Variants in SPEN observed in about 807,000 individuals in gnomAD.
The protein encoded by SPEN is msx2-interacting protein.
A neutral mutation model predicts 269.9 loss-of-function variants in SPEN; 18 were observed. The ratio of observed to expected loss-of-function variants is 0.07; its 90% CI spans 0.05 to 0.10. The LOEUF is 0.10. Among genes scored for constraint, SPEN ranks in the 10% least tolerant of loss-of-function variants. The pLI is 1.00. For synonymous variants in SPEN, 1,726 were observed against 1,765.7 expected (o/e 0.98, Z 0.56); for missense variants, 3,822 against 4,631.2 (o/e 0.83, Z 5.07).
At chr1:15,887,504 A>G (rs1283755435) in intron 3 of SPEN, among the ~76,000 whole-genome samples, 4 of 149,176 alleles carry the variant, frequency 2.7e-5, no homozygotes, top group African/African-American at 4.9e-5. Context: ...GATGGTCTCG[A>G]TCTTCTGGTC....
chr1:15,911,411 T>A, intron 5 of SPEN, 110 bp downstream of exon 5: 1 of 783,588 alleles, frequency 1.3e-6, no homozygotes, highest in Non-Finnish European at 2.1e-6. Context: ...TCTGGCTTTA[T>A]TTATTGACAT....
rs980901564 is a variant in SPEN, at chr1:15,940,195, G to A, written c.*768G>A. 4.3e-6 allele frequency: 1 copy of A among 230,720 alleles called. No homozygotes were observed. The highest frequency in any genetic ancestry group is 2.2e-5 in the African/African-American group (1 of 44,974). 14.3% of individuals were successfully genotyped at this position (230,720 alleles called of 1,614,324 possible). A position where few individuals can be genotyped will look rare whatever the true frequency, so the allele number is the denominator to read the frequency against. On this transcript the variant is annotated 3_prime_UTR_variant, in exon 15 of 15. Transcript: ENST00000375759. ...TCTGTGCCAAAAATGTGTTTTCAGA[G>A]GAAATCTTATTTTCATATTCAGACT...
Position 15,930,602 on chromosome 1 carries a change from C to G in SPEN, c.4362C>G (p.Leu1454=). The change falls in exon 11 of 15, where the codon CTC becomes CTG. Residue 1454 remains leucine, a synonymous_variant. Transcript: ENST00000375759. The surrounding 1 kb of genome is among the most constrained non-coding windows in gnomAD (Gnocchi z 5.3). ...CTTTGCTTGAAAGAGCTAAATCCCTCTCTTCATCTCGTGAAGAAAATTGGT... is the reference window on the plus strand; with the variant it reads ...CTTTGCTTGAAAGAGCTAAATCCCTGTCTTCATCTCGTGAAGAAAATTGGT... The part of the protein sequence containing the change: ...TKALLERAKS[L]SSSREENWSF... The G allele has an allele frequency of 1.2e-6, 2 of 1,614,176 alleles. No homozygotes were observed. Among genetic ancestry groups the G allele is most frequent in the Non-Finnish European group, 1.7e-6 (2 of 1,180,014 alleles).
In SPEN at chr1:15,898,173, T is replaced by TTGTGTGTGTG. The variant is rs58297957; in HGVS notation, c.882-11120_882-11111dup. On this transcript the variant is annotated intron_variant, in intron 3 of 14. Coordinates refer to ENST00000375759, the MANE Select transcript of SPEN (RefSeq NM_015001.3). Reference sequence around the variant, plus strand: ...TTGTATTTTACTTCTTAATTTATCTTTGTGTGTGTGTGTGTGTGTGTGTGT... The same window carrying TTGTGTGTGTG: ...TTGTATTTTACTTCTTAATTTATCTTTGTGTGTGTGTGTGTGTGTGTGTGTGTGTGTGTGT... Among the ~76,000 whole-genome samples, 470 of 147,488 alleles carry TTGTGTGTGTG rather than the reference T, an allele frequency of 3.2e-3. 1 individual carries two copies. Among genetic ancestry groups the TTGTGTGTGTG allele is most frequent in the Non-Finnish European group, 4.5e-3 (303 of 66,648 alleles).
At chr1:15,904,648 A>T (rs1007483697) in intron 3 of SPEN, among the ~76,000 whole-genome samples, 8 of 139,434 alleles carry the variant, frequency 5.7e-5, no homozygotes, top group Non-Finnish European at 9.4e-5. Flanking sequence ...GAGTGTGATA[A>T]TTTTTTTTTT....
chr1:15,938,039 C>A lies in SPEN; in HGVS notation c.10704+33C>A, dbSNP rs1320529802. ...TCTCAGGCCCAGGTGAGCAACTGCCCCACCTACAGGGAGGAAGACGTAGGT... is the reference window on the plus strand; with the variant it reads ...TCTCAGGCCCAGGTGAGCAACTGCCACACCTACAGGGAGGAAGACGTAGGT... On this transcript the variant is annotated intron_variant, in intron 13 of 14. Coordinates refer to ENST00000375759, the MANE Select transcript of SPEN (RefSeq NM_015001.3). 2.6e-6 allele frequency: 4 copies of A among 1,558,928 alleles called. No individual in the cohort carries two copies. In the African/African-American group the frequency reaches 5.5e-5, roughly 21 times the overall value.
In SPEN at chr1:15,856,134, C is replaced by G. The variant is rs548539326; in HGVS notation, c.83+7984C>G. Among the ~76,000 whole-genome samples, 9 of 151,070 alleles carry G rather than the reference C, an allele frequency of 6.0e-5. No homozygotes were observed. In the East Asian group the frequency reaches 1.8e-3, roughly 30 times the overall value. On this transcript the variant is annotated intron_variant, in intron 1 of 14. Transcript: ENST00000375759. Reference sequence around the variant, plus strand: ...CCTCCCAAATAGCTGGGATTACAGGCACCTGCCACCACACCCGGCTAATTT... The same window carrying G: ...CCTCCCAAATAGCTGGGATTACAGGGACCTGCCACCACACCCGGCTAATTT...
intron 2 of SPEN, chr1:15,874,102 G>A: frequency 7.4e-7 from 1 of 1,358,172 alleles, no homozygotes; most frequent in Non-Finnish European, 9.8e-7. Flanking sequence ...CATACTTAGG[G>A]CTGGAAATAT....
chr1:15,929,474 A>G lies in SPEN; in HGVS notation c.3234A>G (p.Ser1078=). The change falls in exon 11 of 15, where the codon TCA becomes TCG. Residue 1078 remains serine, a synonymous_variant. Transcript: ENST00000375759. This position sits in a 1 kb window ranked among gnomAD's most constrained non-coding sequence, Gnocchi z 5.8. ...ELASISVGSG[S]RPSSDLQARL... ...CCAGTATTTCTGTTGGGTCTGGCTC[A>G]AGGCCCAGCTCAGACCTACAAGCAA... 6.2e-7 allele frequency: 1 copy of G among 1,613,286 alleles called. No individual in the cohort carries two copies. The highest frequency in any genetic ancestry group is 8.5e-7 in the Non-Finnish European group (1 of 1,179,650).
Position 15,931,449 on chromosome 1 carries a change from A to T in SPEN, c.5209A>T (p.Thr1737Ser). 6.2e-7 allele frequency: 1 copy of T among 1,613,874 alleles called. No homozygotes were observed. The highest frequency in any genetic ancestry group is 1.1e-5 in the South Asian group (1 of 91,076). Residue 1737 changes from threonine to serine, a missense_variant, in exon 11 of 15, where the codon ACT (threonine) becomes TCT (serine). Coordinates refer to ENST00000375759, the MANE Select transcript of SPEN (RefSeq NM_015001.3). This position sits in a 1 kb window ranked among gnomAD's most constrained non-coding sequence, Gnocchi z 4.8. ...QPPYLDAKPP[T>S]PGASFSQAES... ...GCCTTATCTGGATGCCAAGCCTCCA[A>T]CTCCCGGGGCCTCGTTTTCCCAGGC...
intron 1 of SPEN, among the ~76,000 whole-genome samples, chr1:15,852,786 G>C (rs553572661): frequency 6.6e-6 from 1 of 152,082 alleles, no homozygotes; most frequent in South Asian, 2.1e-4. Context: ...TTTCCCCCTA[G>C]TTTGAAATTT....
rs892124796 is a variant in SPEN, at chr1:15,847,963, A to AGCCGCCGCC, written c.-95_-87dup. 1.2e-5 allele frequency: 7 copies of AGCCGCCGCC among 600,322 alleles called. No homozygotes were observed. In the Admixed American group the frequency reaches 1.5e-4, roughly 12 times the overall value. 37.2% of individuals were successfully genotyped at this position (600,322 alleles called of 1,614,324 possible). ...CCGCCGCTGCCGACGCCACCGCCGCAGCCGCCGCCGCCGCCGCCCCGGCAC... is the reference window on the plus strand; with the variant it reads ...CCGCCGCTGCCGACGCCACCGCCGCAGCCGCCGCCGCCGCCGCCGCCGCCGCCCCGGCAC... On this transcript the variant is annotated 5_prime_UTR_variant, in exon 1 of 15. Coordinates refer to ENST00000375759, the MANE Select transcript of SPEN (RefSeq NM_015001.3).
At chr1:15,880,285 C>G (rs1328267379) in intron 3 of SPEN, among the ~76,000 whole-genome samples, 2 of 151,654 alleles carry the variant, frequency 1.3e-5, no homozygotes, top group Non-Finnish European at 2.9e-5. Context: ...GGTTATAGAG[C>G]ATTTACTTAG....
Position 15,932,981 on chromosome 1 carries a change from G to T in SPEN, c.6741G>T (p.Leu2247=). The T allele has an allele frequency of 6.2e-7, 1 of 1,614,164 alleles. No individual in the cohort carries two copies. The highest frequency in any genetic ancestry group is 8.5e-7 in the Non-Finnish European group (1 of 1,180,020). ...ATCCTGGAGAATCCCAGACAGATCT[G>T]CAACCCCCCGCAGGTGCACAGGCGC... ...PPYPGESQTD[L]QPPAGAQALQ... The change falls in exon 11 of 15, where the codon CTG becomes CTT. Residue 2247 remains leucine, a synonymous_variant. Transcript: ENST00000375759. The surrounding 1 kb of genome is among the most constrained non-coding windows in gnomAD (Gnocchi z 4.2).
At chr1:15,904,530 A>G (rs1259328968) in intron 3 of SPEN, among the ~76,000 whole-genome samples, 3 of 150,982 alleles carry the variant, frequency 2.0e-5, no homozygotes, top group Non-Finnish European at 4.4e-5. Context: ...TTTTAAAACC[A>G]GTCTCCCCTT....
At chr1:15,864,464 C>T (rs898735848) in intron 1 of SPEN, among the ~76,000 whole-genome samples, 20 of 137,708 alleles carry the variant, frequency 1.5e-4, no homozygotes, top group Admixed American at 9.5e-4. Context: ...GCCTCTGTGC[C>T]GGCCGGTTTT....
chr1:15,850,055 A>G (rs906690501), intron 1 of SPEN, among the ~76,000 whole-genome samples: 4 of 152,108 alleles, frequency 2.6e-5, no homozygotes, highest in Admixed American at 6.6e-5. Flanking sequence ...GAAAGAGGAA[A>G]TCGTCCCAGG....
At chr1:15,938,421 C>T (rs1441537668) in intron 13 of SPEN, among the ~76,000 whole-genome samples, 4 of 152,000 alleles carry the variant, frequency 2.6e-5, no homozygotes, top group Non-Finnish European at 4.4e-5. Context: ...TGGCCAGTAA[C>T]GGTATTCTTG....
rs1159937185 is a variant in SPEN at position 15,939,589 on chromosome 1, T to C, written c.*162T>C. On this transcript the variant is annotated 3_prime_UTR_variant, in exon 15 of 15. Transcript: ENST00000375759. The surrounding 1 kb of genome is among the most constrained non-coding windows in gnomAD (Gnocchi z 4.1). ...GCCGCCCGGCTCAGTCGGCCAGACT[T>C]CCTCTAGGAGTGGTGCTGCTACCTT... The C allele has an allele frequency of 2.4e-6, 2 of 822,556 alleles. No homozygotes were observed. Among genetic ancestry groups the C allele is most frequent in the East Asian group, 6.1e-5 (2 of 32,872 alleles). 51.0% of individuals were successfully genotyped at this position (822,556 alleles called of 1,614,324 possible). A position where few individuals can be genotyped will look rare whatever the true frequency, so the allele number is the denominator to read the frequency against.
Sources: gnomAD v4.1 joint callset for allele counts (sites outside exome capture counted in the v4.1 genomes callset) on GRCh38, gnomAD v4.1.1 for gene constraint, Gnocchi (gnomAD v3.1) non-coding constraint, MANE v1.5 for transcripts, NCBI Gene and HGNC (gene_info 2026-07-23, HGNC 2026-07-21) for gene names.